ARHGAP31: variants seen among roughly 807,000 people sequenced by gnomAD.
ARHGAP31 encodes the protein rho GTPase-activating protein 31.
A neutral mutation model predicts 113.9 loss-of-function variants in ARHGAP31; 34 were observed. That is an observed-to-expected ratio of 0.30 (90% CI 0.23 to 0.40). The LOEUF is 0.40. ARHGAP31 is among the 10% of genes least tolerant of loss of function. The pLI, the probability that ARHGAP31 is intolerant of heterozygous loss-of-function variation, is 1.00. For synonymous variants in ARHGAP31, 650 were observed against 684.8 expected, an observed-to-expected ratio of 0.95 and a Z score of 0.79; for missense variants, 1,548 against 1,767.1, an observed-to-expected ratio of 0.88 and a Z score of 2.22.
chr3:119,393,284 G>C (rs1466624939), intron 7 of ARHGAP31, among the ~76,000 whole-genome samples, 183 bp from the exon 8 acceptor site: 6 of 152,060 alleles, frequency 3.9e-5, no homozygotes, highest in African/African-American at 1.2e-4. Flanking sequence ...AGCCTTGCTT[G>C]GTCACCTGGG....
Position 119,383,105 on chromosome 3 carries a change from T to C in ARHGAP31, c.561T>C (p.Thr187=), listed in dbSNP as rs1419306671. The C allele has an allele frequency of 3.7e-6, 6 of 1,614,238 alleles. No individual in the cohort carries two copies. Among genetic ancestry groups the C allele is most frequent in the Non-Finnish European group, 5.1e-6 (6 of 1,180,034 alleles). ...NLLRSKEIEA[T]GCNGDAAFLA... is the part of the protein sequence containing the mutation. ...GTAGGTCTAAAGAAATTGAAGCCAC[T>C]GGTTGCAATGGAGATGCAGCCTTCC... Residue 187 remains threonine, a synonymous_variant, in exon 6 of 12, where the codon ACT becomes ACC. Coordinates refer to ENST00000264245, the MANE Select transcript of ARHGAP31 (RefSeq NM_020754.4).
intron 1 of ARHGAP31, among the ~76,000 whole-genome samples, chr3:119,350,191 T>C (rs1333497709): frequency 6.6e-6 from 1 of 152,172 alleles, no homozygotes; most frequent in African/African-American, 2.4e-5. Flanking sequence ...GAAGTGCCGT[T>C]GTTTTCAGCA....
intron 11 of ARHGAP31, among the ~76,000 whole-genome samples, chr3:119,411,490 G>A (rs190113509): frequency 1.6e-3 from 249 of 152,334 alleles, no homozygotes; most frequent in African/African-American, 5.8e-3. Context: ...TCTGGTTTGA[G>A]CAAAGAGATG....
intron 1 of ARHGAP31, among the ~76,000 whole-genome samples, chr3:119,331,138 A>G (rs1054561724): frequency 2.0e-5 from 3 of 152,170 alleles, no homozygotes; most frequent in African/African-American, 7.2e-5. Flanking sequence ...CCTTGGTCAA[A>G]TGAGTTCCAG....
rs187497435 is a variant in ARHGAP31 at position 119,356,946 on chromosome 3, T to C, written c.101-8370T>C. On this transcript the variant is annotated intron_variant, in intron 1 of 11. Coordinates refer to ENST00000264245, the MANE Select transcript of ARHGAP31 (RefSeq NM_020754.4). ...TGACTGGGTCAAAAGCTATGTGCAC[T>C]TATAATTTTAACAGATATTGTCAAA... Among the ~76,000 whole-genome samples the C allele has an allele frequency of 3.9e-4, 60 of 152,364 alleles. 4 individuals carry two copies. The South Asian group carries it at 0.012, about 29-fold the overall frequency.
intron 1 of ARHGAP31, among the ~76,000 whole-genome samples, chr3:119,357,405 G>A (rs557774790): frequency 2.6e-5 from 4 of 152,312 alleles, no homozygotes; most frequent in East Asian, 1.9e-4. Context: ...CTGGAACACC[G>A]CATTCCTGTG....
chr3:119,402,195 C>G lies in ARHGAP31; in HGVS notation c.1443C>G (p.Arg481=). 2 of 1,614,298 alleles carry G rather than the reference C, an allele frequency of 1.2e-6. No individual in the cohort carries two copies. Among genetic ancestry groups the G allele is most frequent in the African/African-American group, 1.3e-5 (1 of 75,082 alleles). Residue 481 remains arginine (R), a synonymous_variant, in exon 10 of 12, where the codon CGC becomes CGG. Coordinates refer to ENST00000264245, the MANE Select transcript of ARHGAP31 (RefSeq NM_020754.4). The stretch of plus-strand genomic sequence containing the variant: ...TGGAGCCCTCGCCGCGTAACCAGCG[C>G]AAGGCGCTGAACATCTCCGAGCCCT... ...FQMEPSPRNQ[R]KALNISEPFA...
intron 4 of ARHGAP31, among the ~76,000 whole-genome samples, chr3:119,381,633 T>C (rs1222033908): frequency 1.3e-5 from 2 of 152,184 alleles, no homozygotes; most frequent in Non-Finnish European, 2.9e-5. Flanking sequence ...GATGAGAGCC[T>C]ATTTCAAAAC....
chr3:119,366,373 C>T (rs966987096), intron 2 of ARHGAP31, among the ~76,000 whole-genome samples: 1 of 151,550 alleles, frequency 6.6e-6, no homozygotes, highest in Admixed American at 6.6e-5. Flanking sequence ...TGGTTTCTGC[C>T]CTTTTCCTCC....
At chr3:119,324,997 T>C (rs1208869169) in intron 1 of ARHGAP31, 2 of 456,454 alleles carry the variant, frequency 4.4e-6, no homozygotes, top group Non-Finnish European at 8.8e-6. Flanking sequence ...AATAGTGGCA[T>C]AGTGTGGACT....
At position 119,413,982 on chromosome 3, in the gene ARHGAP31, A is replaced by G. The variant is rs2080742442; in HGVS notation, c.2053A>G (p.Ile685Val). Residue 685 changes from isoleucine (I) to valine (V), a missense_variant, in exon 12 of 12, where the codon ATT becomes GTT. Physicochemically the swap from Ile to Val is conservative, Grantham distance 29 (BLOSUM62 3). Coordinates refer to ENST00000264245, the MANE Select transcript of ARHGAP31 (RefSeq NM_020754.4). ...TCTGAAGACCAGCCCAATTCAGCCT[A>G]TTCTCGAGTCGAGTCTGGGGCCCTT... ...PALKTSPIQP[I>V]LESSLGPFIP... 2 of 1,614,122 alleles carry G rather than the reference A, an allele frequency of 1.2e-6. No individual in the cohort carries two copies. The highest frequency in any genetic ancestry group is 1.7e-6 in the Non-Finnish European group (2 of 1,180,010).
At chr3:119,372,280 C>CTTT (rs758369404) in intron 3 of ARHGAP31, among the ~76,000 whole-genome samples, 5 of 129,000 alleles carry the variant, frequency 3.9e-5, no homozygotes, top group Non-Finnish European at 8.1e-5. Flanking sequence ...TTATTTCTGA[C>CTTT]TTTTTTTTTT....
At chr3:119,304,066 T>C (rs1263383950) in intron 1 of ARHGAP31, among the ~76,000 whole-genome samples, 2 of 152,172 alleles carry the variant, frequency 1.3e-5, no homozygotes, top group Admixed American at 6.5e-5. Flanking sequence ...AGTGCTGGGA[T>C]TACAGGTGTA....
At chr3:119,381,985 C>CAAAA (rs10719267) in intron 4 of ARHGAP31, among the ~76,000 whole-genome samples, 14 of 62,074 alleles carry the variant, frequency 2.3e-4, no homozygotes, top group African/African-American at 3.0e-4. Context: ...GACTCCGTCT[C>CAAAA]AAAAAAAAAA....
At chr3:119,299,709 A>G (rs1157426466) in intron 1 of ARHGAP31, among the ~76,000 whole-genome samples, 1 of 152,262 alleles carries the variant, frequency 6.6e-6, no homozygotes. Context: ...AAGGGATATG[A>G]ACAAACTTTC....
At chr3:119,382,942 A>G (rs1218001603) in intron 5 of ARHGAP31, 142 bp from the exon 6 acceptor site, 1 of 1,119,634 alleles carries the variant, frequency 8.9e-7, no homozygotes, top group Admixed American at 2.0e-5. Context: ...GAGTTCCTTT[A>G]ATTGGCCCTA....
intron 2 of ARHGAP31, among the ~76,000 whole-genome samples, chr3:119,366,824 G>A (rs969757715): frequency 9.9e-5 from 15 of 151,784 alleles, no homozygotes; most frequent in African/African-American, 2.9e-4. Flanking sequence ...AGCATGGGCC[G>A]GGCACAGTGG....
chr3:119,399,350 C>T, intron 9 of ARHGAP31, 89 bp downstream of exon 9: 1 of 1,124,404 alleles, frequency 8.9e-7, no homozygotes, highest in Non-Finnish European at 1.3e-6. Context: ...GCCTGCTTCT[C>T]TATAGTCACA....
chr3:119,366,738 C>A (rs997220226), intron 2 of ARHGAP31, among the ~76,000 whole-genome samples: 1 of 151,540 alleles, frequency 6.6e-6, no homozygotes, highest in African/African-American at 2.4e-5. Context: ...TTGTTCTGCT[C>A]TCTTAAAAAC....
Sources: allele counts gnomAD v4.1 joint callset (sites outside exome capture counted in the v4.1 genomes callset), GRCh38; gene constraint gnomAD v4.1.1; transcripts MANE v1.5; gene names NCBI Gene and HGNC (gene_info 2026-07-23, HGNC 2026-07-21).